CC2D1B: variants seen among roughly 807,000 people sequenced by gnomAD.
CC2D1B encodes coiled-coil and C2 domain containing 1B.
CC2D1B carries 92 observed loss-of-function variants against 110.8 expected under a neutral mutation model. The ratio of observed to expected loss-of-function variants is 0.83; its 90% CI spans 0.70 to 0.99. The LOEUF (loss-of-function observed/expected upper bound fraction) is 0.99. Among genes scored for constraint, CC2D1B ranks in the 50% least tolerant of loss-of-function variants. The pLI, the probability that CC2D1B is intolerant of heterozygous loss-of-function variation, is 0.00. For missense variants in CC2D1B, 1,136 were observed against 1,089.0 expected (o/e 1.04, Z -0.61); for synonymous variants, 406 against 429.2 (o/e 0.95, Z 0.67).
rs1214960362 is a variant in CC2D1B at position 52,352,117 on chromosome 1, A to G, written c.*1108T>C. On this transcript the variant is annotated 3_prime_UTR_variant, in exon 25 of 25. Coordinates refer to ENST00000284376, the MANE Select transcript of CC2D1B (RefSeq NM_001330585.2). ...ATTTGCTTCACTTCTAACCTTTTTT[A>G]AAAGTGATCTTGAGGAATGCTTTGT... 6.6e-6 allele frequency: 1 copy of G among 152,168 alleles called. No homozygotes were observed. The highest frequency in any genetic ancestry group is 1.5e-5 in the Non-Finnish European group (1 of 68,042). The allele number at this position is 152,168 out of a possible 1,614,324, so 9.4% of individuals were successfully genotyped here.
rs749067295 is a variant in CC2D1B at position 52,359,162 on chromosome 1, A to G, written c.1127-5T>C. 1.7e-5 allele frequency: 28 copies of G among 1,609,368 alleles called. No individual in the cohort carries two copies. The highest frequency in any genetic ancestry group is 2.4e-5 in the Non-Finnish European group (28 of 1,177,674). On this transcript the variant is annotated splice_region_variant and splice_polypyrimidine_tract_variant and intron_variant, in intron 10 of 24. Transcript: ENST00000284376. The stretch of plus-strand genomic sequence containing the variant: ...TCTGTGACTCTGTAGGGGCCACTTG[A>G]AGGAAAGAAGGAAGAAGTGGGCATC...
intron 15 of CC2D1B, 72 bp from the exon 16 acceptor site, chr1:52,357,198 A>C: frequency 6.5e-7 from 1 of 1,549,034 alleles, no homozygotes; most frequent in South Asian, 1.2e-5. Context: ...CAAAGGCAGG[A>C]GCCCAAACTA....
intron 2 of CC2D1B, among the ~76,000 whole-genome samples, chr1:52,364,296 G>A (rs1395502641): frequency 6.6e-6 from 1 of 152,052 alleles, no homozygotes; most frequent in Non-Finnish European, 1.5e-5. Flanking sequence ...GCAAAGTTGT[G>A]ACCCTATCTA....
Position 52,359,271 on chromosome 1 carries a change from G to T in CC2D1B, c.1105C>A (p.Pro369Thr). 1.2e-6 allele frequency: 2 copies of T among 1,612,862 alleles called. No homozygotes were observed. Among genetic ancestry groups the T allele is most frequent in the Non-Finnish European group, 1.7e-6 (2 of 1,179,406 alleles). The change falls in exon 10 of 25, where the codon CCT becomes ACT. Residue 369 changes from proline to threonine, a missense_variant. Physicochemically the swap from Pro to Thr is conservative, Grantham distance 38 (BLOSUM62 -1). Transcript: ENST00000284376. ...AVERVQPVMA[P>T]DVPATPVAPT... ...CTACCTGGGGTTGCTGGGACGTCAG[G>T]GGCCATCACTGGCTGCACTCGCTCC...
rs1342872623 is a variant in CC2D1B, at chr1:52,361,535, A to T, written c.296T>A (p.Leu99Gln). ...DVEEEEEEEG[L>Q]EEDAELLTEL... Reference sequence around the variant, plus strand: ...CACCAGCAGCTCTGCATCTTCCTCCAGCCCTTCCTCCTCCTCCTCCTCCTC... The same window carrying T: ...CACCAGCAGCTCTGCATCTTCCTCCTGCCCTTCCTCCTCCTCCTCCTCCTC... Residue 99 changes from leucine (L) to glutamine (Q), a missense_variant, in exon 4 of 25, where the codon CTG (leucine) becomes CAG (glutamine). Transcript: ENST00000284376. 2.6e-5 allele frequency: 42 copies of T among 1,613,796 alleles called. No individual in the cohort carries two copies. Among genetic ancestry groups the T allele is most frequent in the Non-Finnish European group, 3.1e-5 (36 of 1,179,978 alleles).
chr1:52,360,825 T>G, intron 5 of CC2D1B, 149 bp downstream of exon 5: 1 of 1,064,742 alleles, frequency 9.4e-7, no homozygotes, highest in South Asian at 1.5e-5. Context: ...CGGAGGAGTT[T>G]CTTGTGCTCA....
At position 52,359,661 on chromosome 1, in the gene CC2D1B, C is replaced by T. The variant is rs1419008025; in HGVS notation, c.942+44G>A. 3.9e-6 allele frequency: 6 copies of T among 1,554,864 alleles called. No homozygotes were observed. The Admixed American group carries it at 7.8e-5, about 20-fold the overall frequency. Reference sequence around the variant, plus strand: ...AGCTCCCTTTCTGAGCCTGTTTCCCCTATCTATAAAATGAGGGTGGGTGCC... The same window carrying T: ...AGCTCCCTTTCTGAGCCTGTTTCCCTTATCTATAAAATGAGGGTGGGTGCC... On this transcript the variant is annotated intron_variant, in intron 8 of 24. Coordinates refer to ENST00000284376, the MANE Select transcript of CC2D1B (RefSeq NM_001330585.2).
chr1:52,353,337 G>T (rs1646567001), intron 24 of CC2D1B, 114 bp from the exon 25 acceptor site: 2 of 1,484,508 alleles, frequency 1.3e-6, no homozygotes, highest in Non-Finnish European at 8.9e-7. Flanking sequence ...ACCTTGGAAG[G>T]TTACCTTCTC....
In CC2D1B at chr1:52,358,403, T is replaced by C. The variant is rs1402437068; in HGVS notation, c.1389A>G (p.Ala463=). 1.9e-6 allele frequency: 3 copies of C among 1,614,104 alleles called. No individual in the cohort carries two copies. The highest frequency in any genetic ancestry group is 1.1e-5 in the South Asian group (1 of 91,078). Residue 463 remains alanine, a synonymous_variant, in exon 13 of 25, where the codon GCA becomes GCG. Coordinates refer to ENST00000284376, the MANE Select transcript of CC2D1B (RefSeq NM_001330585.2). ...GTTTCTCTGCAGCTGCCAATGTCGC[T>C]GCCACTGCGTCCTCCTCAACACCCA... ...STMGVEEDAV[A]ATLAAAEKLA...
In CC2D1B at chr1:52,355,774, G is replaced by T; in HGVS notation, c.2125C>A (p.Pro709Thr). The T allele has an allele frequency of 6.2e-7, 1 of 1,614,128 alleles. No homozygotes were observed. The highest frequency in any genetic ancestry group is 8.5e-7 in the Non-Finnish European group (1 of 1,179,982). ...GTAGGGGCGGCCCTAGGGTTACCTG[G>T]AGGGGCTGGGAGGTTCATTCCCCGG... ...IVRGMNLPAP[P>T]GVTPDDLDAF... The change falls in exon 19 of 25, where the codon CCA (proline) becomes ACA (threonine). Residue 709 changes from proline to threonine, a missense_variant. Coordinates refer to ENST00000284376, the MANE Select transcript of CC2D1B (RefSeq NM_001330585.2).
chr1:52,354,015 AGTCAGCACTGGAACCCCAAACCCAGG>A (rs1417695355), intron 23 of CC2D1B: 3 of 287,966 alleles, frequency 1.0e-5, no homozygotes, highest in Admixed American at 9.3e-5. Flanking sequence ...TATGTGGCAG[AGTCAGCACTGGAACCCCAAACCCAGG>A]GTTCCTTCCC....
intron 2 of CC2D1B, among the ~76,000 whole-genome samples, chr1:52,364,163 A>G (rs534609794): frequency 5.3e-5 from 8 of 152,202 alleles, no homozygotes; most frequent in Non-Finnish European, 1.0e-4. Flanking sequence ...CAGAAGAAAT[A>G]AAGGAAGAAA....
chr1:52,360,527 T>C lies in CC2D1B; in HGVS notation c.500A>G (p.His167Arg). ...AAQAGASQGL[H>R]ALLEERIHNY... is the part of the protein sequence containing the mutation. ...GTGAATCCGTTCCTCCAGCAAAGCG[T>C]GTAGCCCCTGAGATGCTCCGGCCTA... The change falls in exon 6 of 25, where the codon CAC (histidine) becomes CGC (arginine). Residue 167 changes from histidine to arginine, a missense_variant. Transcript: ENST00000284376. 6.2e-7 allele frequency: 1 copy of C among 1,614,140 alleles called. No individual in the cohort carries two copies. The highest frequency in any genetic ancestry group is 1.1e-5 in the South Asian group (1 of 91,086).
chr1:52,365,699 C>T (rs1373991327), intron 1 of CC2D1B, among the ~76,000 whole-genome samples: 2 of 152,154 alleles, frequency 1.3e-5, no homozygotes, highest in Non-Finnish European at 1.5e-5. Context: ...AGGGGAGGTG[C>T]ACAGAAGGTA....
At position 52,355,813 on chromosome 1, in the gene CC2D1B, G is replaced by T. The variant is rs555821949; in HGVS notation, c.2086C>A (p.His696Asn). 4.3e-6 allele frequency: 7 copies of T among 1,614,138 alleles called. No homozygotes were observed. In the Admixed American group the frequency reaches 8.3e-5, roughly 19 times the overall value. ...TTCATTCCCCGGACAATGATCAGATGCATTTCTGTGCTGTTGAGTTCTGAG... is the reference window on the plus strand; with the variant it reads ...TTCATTCCCCGGACAATGATCAGATTCATTTCTGTGCTGTTGAGTTCTGAG... ...IFSELNSTEM[H>N]LIIVRGMNLP... Residue 696 changes from histidine (H) to asparagine (N), a missense_variant, in exon 19 of 25, where the codon CAT (histidine) becomes AAT (asparagine). Transcript: ENST00000284376.
chr1:52,354,610 C>G lies in CC2D1B; in HGVS notation c.2428G>C (p.Glu810Gln). The G allele has an allele frequency of 6.2e-7, 1 of 1,614,190 alleles. No individual in the cohort carries two copies. Among genetic ancestry groups the G allele is most frequent in the Non-Finnish European group, 8.5e-7 (1 of 1,180,004 alleles). Residue 810 changes from glutamate to glutamine, a missense_variant and splice_region_variant, in exon 23 of 25, where the codon GAG (glutamate) becomes CAG (glutamine). Physicochemically the swap from Glu to Gln is conservative, Grantham distance 29 (BLOSUM62 2). Transcript: ENST00000284376. The part of the protein sequence containing the change: ...ENECEIREIV[E>Q]VLDGRKPTGG... ...CTTGCCCACACCCCAGCCCCTACCTCCACAATTTCTCTGATCTCACACTCA... is the reference window on the plus strand; with the variant it reads ...CTTGCCCACACCCCAGCCCCTACCTGCACAATTTCTCTGATCTCACACTCA...
intron 2 of CC2D1B, among the ~76,000 whole-genome samples, chr1:52,363,387 T>C (rs1200235549): frequency 7.3e-6 from 1 of 137,794 alleles, no homozygotes; most frequent in Non-Finnish European, 1.5e-5. Flanking sequence ...ACAGCGAGAC[T>C]CCGTCTCAAA....
Position 52,361,020 on chromosome 1 carries a change from G to T in CC2D1B, c.431C>A (p.Pro144His), listed in dbSNP as rs781532574. 1 of 1,614,022 alleles carries T rather than the reference G, an allele frequency of 6.2e-7. No individual in the cohort carries two copies. Among genetic ancestry groups the T allele is most frequent in the South Asian group, 1.1e-5 (1 of 91,090 alleles). ...EEENGLEDTE[P>H]PVQTAVLTAS... ...TGTCAGGACGGCTGTCTGCACTGGA[G>T]GTTCAGTGTCTTCTAGGCCGTTCTC... The change falls in exon 5 of 25, where the codon CCT becomes CAT. Residue 144 changes from proline to histidine, a missense_variant. By Grantham distance (77) the Pro-to-His change is moderately conservative (BLOSUM62 -2). Coordinates refer to ENST00000284376, the MANE Select transcript of CC2D1B (RefSeq NM_001330585.2).
Position 52,355,440 on chromosome 1 carries a change from G to C in CC2D1B, c.2197C>G (p.Gln733Glu). The change falls in exon 21 of 25, where the codon CAA becomes GAA. Residue 733 changes from glutamine (Q) to glutamate (E), a missense_variant. Coordinates refer to ENST00000284376, the MANE Select transcript of CC2D1B (RefSeq NM_001330585.2). ...TTCACCACAGCTGTTTTGCTTTTTTGAGCCTGGTCCTAAGCAGTGAGGAGG... is the reference window on the plus strand; with the variant it reads ...TTCACCACAGCTGTTTTGCTTTTTTCAGCCTGGTCCTAAGCAGTGAGGAGG... ...EFHYPNSDQA[Q>E]KSKTAVVKNT... is the part of the protein sequence containing the mutation. 6.2e-7 allele frequency: 1 copy of C among 1,614,120 alleles called. No homozygotes were observed. Among genetic ancestry groups the C allele is most frequent in the Non-Finnish European group, 8.5e-7 (1 of 1,180,012 alleles).
Sources: gnomAD v4.1 joint callset for allele counts (sites outside exome capture counted in the v4.1 genomes callset) on GRCh38, gnomAD v4.1.1 for gene constraint, MANE v1.5 for transcripts, NCBI Gene and HGNC (gene_info 2026-07-23, HGNC 2026-07-21) for gene names.